FREM1: variants seen among roughly 807,000 people sequenced by gnomAD.
The protein encoded by FREM1 is FRAS1-related extracellular matrix protein 1.
A neutral mutation model predicts 210.1 loss-of-function variants in FREM1; 220 were observed. The ratio of observed to expected loss-of-function variants is 1.05; its 90% CI spans 0.94 to 1.17. The LOEUF is 1.17. Ranked by LOEUF, FREM1 falls within the 50% of genes most tolerant of loss-of-function variation. The pLI, the probability that FREM1 is intolerant of heterozygous loss-of-function variation, is 0.00. For missense variants in FREM1, 3,454 were observed against 2,675.5 expected, an observed-to-expected ratio of 1.29 and a Z score of -6.42; for synonymous variants, 1,189 against 980.2, an observed-to-expected ratio of 1.21 and a Z score of -3.98.
At chr9:14,875,314 A>G (rs547777080) in intron 1 of FREM1, among the ~76,000 whole-genome samples, 1 of 152,326 alleles carries the variant, frequency 6.6e-6, no homozygotes, top group Admixed American at 6.5e-5. Flanking sequence ...AGGTACACCA[A>G]TCAGACGTAG....
At chr9:14,878,569 C>T (rs1311853015) in intron 1 of FREM1, among the ~76,000 whole-genome samples, 1 of 152,152 alleles carries the variant, frequency 6.6e-6, no homozygotes, top group Non-Finnish European at 1.5e-5. Flanking sequence ...TGCATTTGAT[C>T]CTTTATATTA....
chr9:14,827,367 C>T (rs943523157), intron 10 of FREM1, among the ~76,000 whole-genome samples: 11 of 152,168 alleles, frequency 7.2e-5, no homozygotes, highest in African/African-American at 2.4e-4. Context: ...TGTTCTAACA[C>T]GTTATGTAAG....
At position 14,737,546 on chromosome 9, in the gene FREM1, T is replaced by C; in HGVS notation, c.6390A>G (p.Glu2130=). The change falls in exon 37 of 37, where the codon GAA becomes GAG. Residue 2130 remains glutamate, a synonymous_variant. Transcript: ENST00000380880. The part of the protein sequence containing the change: ...HAGHWEWIGG[E]PVAFTNGRRG... ...TTCTCCCATTGGTGAAGGCAACAGG[T>C]TCACCACCGATCCACTCCCAGTGGC... 6.2e-7 allele frequency: 1 copy of C among 1,607,914 alleles called. No individual in the cohort carries two copies.
intron 2 of FREM1, among the ~76,000 whole-genome samples, chr9:14,866,889 T>G (rs554093056): frequency 6.6e-6 from 1 of 151,986 alleles, no homozygotes; most frequent in African/African-American, 2.4e-5. Flanking sequence ...AGACAGAGTC[T>G]CACACTATCA....
intron 16 of FREM1, among the ~76,000 whole-genome samples, chr9:14,812,296 T>A (rs1221210750): frequency 1.3e-5 from 2 of 152,246 alleles, no homozygotes; most frequent in African/African-American, 4.8e-5. Flanking sequence ...GAACATTTTC[T>A]GTACATCTAA....
chr9:14,761,219 G>C (rs1277037019), intron 27 of FREM1, among the ~76,000 whole-genome samples: 2 of 152,106 alleles, frequency 1.3e-5, no homozygotes, highest in Non-Finnish European at 2.9e-5. Context: ...CACTGATCAT[G>C]TGTCATAATC....
chr9:14,874,212 C>T (rs956140003), intron 1 of FREM1, among the ~76,000 whole-genome samples: 81 of 152,066 alleles, frequency 5.3e-4, no homozygotes, highest in Non-Finnish European at 1.0e-3. Flanking sequence ...AGTTCAATTC[C>T]TGGGTACCCT....
intron 1 of FREM1, among the ~76,000 whole-genome samples, chr9:14,892,424 C>T (rs1836987592): frequency 6.6e-6 from 1 of 152,052 alleles, no homozygotes; most frequent in Non-Finnish European, 1.5e-5. Context: ...TTAAAGGCCC[C>T]TCTTAATAAA....
chr9:14,810,624 T>C (rs146279883), intron 16 of FREM1, among the ~76,000 whole-genome samples: 2 of 152,308 alleles, frequency 1.3e-5, no homozygotes, highest in East Asian at 1.9e-4. Context: ...AAATTATTAA[T>C]GGACTTTCAT....
rs1156538345 is a variant in FREM1 at position 14,801,579 on chromosome 9, G to T, written c.3694+73C>A. The T allele has an allele frequency of 7.6e-6, 8 of 1,050,164 alleles. No individual in the cohort carries two copies. The African/African-American group carries it at 1.1e-4, about 14-fold the overall frequency. 65.1% of individuals were successfully genotyped at this position (1,050,164 alleles called of 1,614,324 possible). A position where few individuals can be genotyped will look rare whatever the true frequency, so the allele number is the denominator to read the frequency against. On this transcript the variant is annotated intron_variant, in intron 20 of 36. Coordinates refer to ENST00000380880, the MANE Select transcript of FREM1 (RefSeq NM_001379081.2). ...TGCTTATATTAGTTTGACCTTTTTA[G>T]ATTTCACATATAAGTATGGGTTAAA...
In FREM1 at chr9:14,759,926, T is replaced by C. The variant is rs772774336; in HGVS notation, c.5205-25A>G. The C allele has an allele frequency of 6.9e-6, 11 of 1,597,476 alleles. No individual in the cohort carries two copies. In the African/African-American group the frequency reaches 1.2e-4, roughly 18 times the overall value. On this transcript the variant is annotated intron_variant, in intron 27 of 36. Coordinates refer to ENST00000380880, the MANE Select transcript of FREM1 (RefSeq NM_001379081.2). The stretch of plus-strand genomic sequence containing the variant: ...ACTGTGTGTGAAAGGAAAAGAGAAA[T>C]CATGAGAATGCATAGTATATGCCTA...
At chr9:14,908,080 A>C (rs560435155) in intron 1 of FREM1, among the ~76,000 whole-genome samples, 24 of 152,300 alleles carry the variant, frequency 1.6e-4, no homozygotes, top group African/African-American at 5.5e-4. Flanking sequence ...AAAGAAAAGA[A>C]AGCAAGGGGC....
At position 14,899,905 on chromosome 9, in the gene FREM1, T is replaced by G. The variant is rs79005874; in HGVS notation, c.-268+10009A>C. Among the ~76,000 whole-genome samples, 12 of 152,340 alleles carry G rather than the reference T, an allele frequency of 7.9e-5. No individual in the cohort carries two copies. In the East Asian group the frequency reaches 2.1e-3, roughly 27 times the overall value. On this transcript the variant is annotated intron_variant, in intron 1 of 36. Coordinates refer to ENST00000380880, the MANE Select transcript of FREM1 (RefSeq NM_001379081.2). Reference sequence around the variant, plus strand: ...TGTTGGCCAAAGGTGATGAGACTCCTTTACTTGGTTTTGCTCAGTTCAGCA... The same window carrying G: ...TGTTGGCCAAAGGTGATGAGACTCCGTTACTTGGTTTTGCTCAGTTCAGCA...
chr9:14,825,557 A>ATATATATATATATATATATG (rs1564016427), intron 10 of FREM1, among the ~76,000 whole-genome samples: 4 of 136,260 alleles, frequency 2.9e-5, no homozygotes, highest in African/African-American at 1.1e-4. Flanking sequence ...GTATATATAT[A>ATATATATATATATATATATG]TATATATATA....
intron 6 of FREM1, chr9:14,850,518 A>G (rs1386613440): frequency 6.6e-6 from 1 of 152,206 alleles, no homozygotes; most frequent in East Asian, 1.9e-4. Flanking sequence ...ACAAATTCGG[A>G]AAGTGTTCCA....
chr9:14,780,796 A>G (rs1849537681), intron 24 of FREM1, among the ~76,000 whole-genome samples: 1 of 152,212 alleles, frequency 6.6e-6, no homozygotes, highest in Admixed American at 6.5e-5. Flanking sequence ...TTAGGTGATT[A>G]GATTGGTTGC....
Position 14,784,641 on chromosome 9 carries a change from G to C in FREM1, c.4178-7C>G. ...GTAAGGATGACAATATCACCTACAT[G>C]ACATAAGAGGTTATGGTCAATAATC... On this transcript the variant is annotated splice_polypyrimidine_tract_variant and splice_region_variant and intron_variant, in intron 23 of 36. Coordinates refer to ENST00000380880, the MANE Select transcript of FREM1 (RefSeq NM_001379081.2). The C allele has an allele frequency of 2.0e-6, 3 of 1,535,194 alleles. No homozygotes were observed. The highest frequency in any genetic ancestry group is 2.6e-6 in the Non-Finnish European group (3 of 1,136,764).
chr9:14,845,646 C>T (rs1040852498), intron 8 of FREM1, among the ~76,000 whole-genome samples: 1 of 152,180 alleles, frequency 6.6e-6, no homozygotes, highest in Non-Finnish European at 1.5e-5. Flanking sequence ...AAATAAAAAA[C>T]ATTCTGTCCT....
chr9:14,777,585 C>T (rs1225487308), intron 24 of FREM1, among the ~76,000 whole-genome samples: 5 of 152,050 alleles, frequency 3.3e-5, no homozygotes, highest in African/African-American at 4.8e-5. Context: ...AATGTATAAA[C>T]TATACATAAC....
Sources: allele counts gnomAD v4.1 joint callset (sites outside exome capture counted in the v4.1 genomes callset), GRCh38; gene constraint gnomAD v4.1.1; transcripts MANE v1.5; gene names NCBI Gene and HGNC (gene_info 2026-07-23, HGNC 2026-07-21).